The following XPNPEP2 variants were observed in gnomAD, a reference collection of about 807,000 sequenced individuals.
XPNPEP2 encodes the protein X-prolyl aminopeptidase 2.
A neutral mutation model predicts 59.8 loss-of-function variants in XPNPEP2; 64 were observed. The ratio of observed to expected loss-of-function variants is 1.07; its 90% CI spans 0.87 to 1.32. The LOEUF (loss-of-function observed/expected upper bound fraction) is 1.32. Ranked by LOEUF, XPNPEP2 falls within the 40% of genes most tolerant of loss-of-function variation. The pLI is 0.00. For missense variants in XPNPEP2, 575 were observed against 546.8 expected (o/e 1.05, Z -0.51); for synonymous variants, 235 against 210.0 (o/e 1.12, Z -1.03).
intron 14 of XPNPEP2, among the ~76,000 whole-genome samples, chrX:129,756,781 G>A (rs1368351528): frequency 9.1e-6 from 1 of 109,799 alleles, no homozygotes; most frequent in African/African-American, 3.3e-5. Context: ...CAGCACCTCT[G>A]TGGGAATTAG....
At chrX:129,767,087 A>G (rs1280690029) in intron 19 of XPNPEP2, among the ~76,000 whole-genome samples, 2 of 110,787 alleles carry the variant, frequency 1.8e-5, no homozygotes, top group African/African-American at 6.6e-5. Context: ...GGTGGTGCCC[A>G]TCAATAATCC....
rs141104322 is a variant in XPNPEP2 at position 129,768,051 on chromosome X, G to A, written c.1831-240G>A. ...GCCTGCCCAGCTTACTCCCATTCCC[G>A]GGCCTGAAATCTACCCACCCCACCG... On this transcript the variant is annotated intron_variant, in intron 20 of 20. Transcript: ENST00000371106. 0.02 allele frequency among the ~76,000 whole-genome samples: 2,170 copies of A among 110,874 alleles called. 18 individuals carry two copies. Among genetic ancestry groups the A allele is most frequent in the Middle Eastern group, 0.068 (15 of 219 alleles).
At chrX:129,747,563 G>GTAC in intron 6 of XPNPEP2, 44 bp from the exon 7 acceptor site, 1 of 1,198,466 alleles carries the variant, frequency 8.3e-7, no homozygotes, top group Non-Finnish European at 1.1e-6. Context: ...TTTTCCTGGG[G>GTAC]TGTAAATGGG....
At chrX:129,761,021 C>T (rs1056988765) in intron 16 of XPNPEP2, 151 bp from the exon 17 acceptor site, 6 of 500,679 alleles carry the variant, frequency 1.2e-5, no homozygotes, top group South Asian at 9.5e-5. Context: ...CCTCCTCCAT[C>T]CCAACCCAAC....
In XPNPEP2 at chrX:129,747,837, C is replaced by G. The variant is rs753885111; in HGVS notation, c.637+84C>G. On this transcript the variant is annotated intron_variant, in intron 7 of 20. Coordinates refer to ENST00000371106, the MANE Select transcript of XPNPEP2 (RefSeq NM_003399.6). ...TTCCGTAGGTGGCAAACTTCATCAT[C>G]AGAGGTACCAAAGCAGTGGTTTGCA... The G allele has an allele frequency of 6.5e-5, 76 of 1,170,078 alleles. No individual in the cohort carries two copies. The South Asian group carries it at 1.1e-3, about 17-fold the overall frequency.
intron 14 of XPNPEP2, among the ~76,000 whole-genome samples, chrX:129,757,744 G>A (rs753884816): frequency 5.1e-4 from 52 of 101,060 alleles, no homozygotes; most frequent in Non-Finnish European, 9.3e-4. Flanking sequence ...GCAGTGAGCC[G>A]AGATCGTGAC....
Position 129,747,633 on chromosome X carries a change from C to A in XPNPEP2, c.517C>A (p.Leu173Ile). The change falls in exon 7 of 21, where the codon CTC becomes ATC. Residue 173 changes from leucine (L) to isoleucine (I), a missense_variant. Coordinates refer to ENST00000371106, the MANE Select transcript of XPNPEP2 (RefSeq NM_003399.6). ...IDTWESYDLA[L>I]QGSNRQLVSI... Reference sequence around the variant, plus strand: ...CACCTGGGAGAGTTATGATCTGGCCCTCCAAGGCTCTAACAGACAGCTGGT... The same window carrying A: ...CACCTGGGAGAGTTATGATCTGGCCATCCAAGGCTCTAACAGACAGCTGGT... 1 of 1,211,706 alleles carries A rather than the reference C, an allele frequency of 8.3e-7. No individual in the cohort carries two copies. Among genetic ancestry groups the A allele is most frequent in the Middle Eastern group, 2.5e-4 (1 of 4,079 alleles).
chrX:129,763,827 G>A (rs2124049668), intron 19 of XPNPEP2, among the ~76,000 whole-genome samples: 1 of 110,589 alleles, frequency 9.0e-6, no homozygotes, highest in South Asian at 3.8e-4. Context: ...AAACAACATG[G>A]GAATTTAGTT....
chrX:129,745,735 C>G (rs1926282153), intron 4 of XPNPEP2, among the ~76,000 whole-genome samples: 2 of 111,609 alleles, frequency 1.8e-5, no homozygotes, highest in Admixed American at 1.9e-4. Flanking sequence ...GAAGGGGCCT[C>G]GCACCGTGAT....
At chrX:129,744,424 C>A (rs773114065) in intron 3 of XPNPEP2, among the ~76,000 whole-genome samples, 1 of 111,997 alleles carries the variant, frequency 8.9e-6, no homozygotes, top group Admixed American at 9.4e-5. Context: ...CTCCAAGCTC[C>A]CTTCTGGCCC....
chrX:129,755,503 G>C, intron 13 of XPNPEP2, 132 bp downstream of exon 13: 1 of 593,817 alleles, frequency 1.7e-6, no homozygotes. Flanking sequence ...CTAGCCCTGT[G>C]GGGGCTGGGA....
Position 129,746,305 on chromosome X carries a change from G to A in XPNPEP2, c.368G>A (p.Arg123Gln), listed in dbSNP as rs200904947. The change falls in exon 5 of 21, where the codon CGG becomes CAG. Residue 123 changes from arginine to glutamine, a missense_variant. Physicochemically the swap from Arg to Gln is conservative, Grantham distance 43. Transcript: ENST00000371106. The part of the protein sequence containing the change: ...TDSRYWTQAE[R>Q]QMDCNWELHK... Reference sequence around the variant, plus strand: ...AGTCGCTACTGGACTCAGGCTGAGCGGCAGATGGACTGCAACTGGGAGCTC... The same window carrying A: ...AGTCGCTACTGGACTCAGGCTGAGCAGCAGATGGACTGCAACTGGGAGCTC... 1.3e-4 allele frequency: 157 copies of A among 1,209,507 alleles called. No individual in the cohort carries two copies. The highest frequency in any genetic ancestry group is 8.9e-5 in the East Asian group (3 of 33,778).
At chrX:129,757,873 AAGAGAGAGAGAGAG>A (rs200174393) in intron 14 of XPNPEP2, among the ~76,000 whole-genome samples, 5 of 66,744 alleles carry the variant, frequency 7.5e-5, no homozygotes, top group African/African-American at 3.5e-4. Context: ...GAGAGAGAGA[AAGAGAGAGAGAGAG>A]AGAGAGAGAA....
At chrX:129,764,381 C>A (rs1194582016) in intron 19 of XPNPEP2, among the ~76,000 whole-genome samples, 1 of 110,625 alleles carries the variant, frequency 9.0e-6, no homozygotes, top group Non-Finnish European at 1.9e-5. Context: ...CAAGACCGGG[C>A]GTGGTGGCTT....
intron 14 of XPNPEP2, among the ~76,000 whole-genome samples, chrX:129,757,813 A>AAGAAAGAG (rs1650694805): frequency 1.1e-5 from 1 of 88,016 alleles, no homozygotes; most frequent in East Asian, 3.4e-4. Context: ...GAAAGAAAGA[A>AAGAAAGAG]AGAAAGAAAG....
intron 15 of XPNPEP2, among the ~76,000 whole-genome samples, chrX:129,759,546 T>C (rs1926617521): frequency 8.9e-6 from 1 of 112,324 alleles, no homozygotes; most frequent in Non-Finnish European, 1.9e-5. Context: ...AAGAAAGGCA[T>C]CCCAAGTGGA....
chrX:129,743,751 C>T (rs1926242053), intron 2 of XPNPEP2, among the ~76,000 whole-genome samples: 2 of 110,988 alleles, frequency 1.8e-5, no homozygotes, highest in Admixed American at 1.9e-4. Flanking sequence ...ACCTCCATCT[C>T]CACCCAGCCC....
chrX:129,746,419 T>C (rs776416914), intron 5 of XPNPEP2, 79 bp downstream of exon 5: 2 of 1,014,087 alleles, frequency 2.0e-6, no homozygotes, highest in South Asian at 3.9e-5. Flanking sequence ...AGAGCGTGCA[T>C]GTAAGACCAT....
chrX:129,743,035 G>C (rs1926226851), intron 2 of XPNPEP2, among the ~76,000 whole-genome samples: 2 of 112,220 alleles, frequency 1.8e-5, no homozygotes, highest in Non-Finnish European at 3.8e-5. Context: ...CTGGAGACCA[G>C]AGTGATTCTT....
Sources: gnomAD v4.1 joint callset for allele counts (sites outside exome capture counted in the v4.1 genomes callset) on GRCh38, gnomAD v4.1.1 for gene constraint, MANE v1.5 for transcripts, NCBI Gene and HGNC (gene_info 2026-07-23, HGNC 2026-07-21) for gene names.